SPATC1: variants seen among roughly 807,000 people sequenced by gnomAD.
SPATC1 encodes the protein speriolin.
Under a neutral mutation model 36.5 loss-of-function variants are expected in SPATC1, and 35 were observed. The ratio of observed to expected loss-of-function variants is 0.96; its 90% CI spans 0.73 to 1.27. The LOEUF is 1.27. Among genes scored for constraint, SPATC1 ranks in the 50% most tolerant of loss-of-function variants. The pLI is 0.00. For synonymous variants in SPATC1, 361 were observed against 353.6 expected, an observed-to-expected ratio of 1.02 and a Z score of -0.24; for missense variants, 779 against 796.0, an observed-to-expected ratio of 0.98 and a Z score of 0.26.
At chr8:144,018,915 G>A (rs1366776083) in intron 1 of SPATC1, among the ~76,000 whole-genome samples, 14 of 148,538 alleles carry the variant, frequency 9.4e-5, no homozygotes, top group African/African-American at 3.2e-4. Flanking sequence ...GGTGGCGGGC[G>A]CCTGTGGTCC....
intron 1 of SPATC1, among the ~76,000 whole-genome samples, chr8:144,035,637 G>A (rs1834883602): frequency 1.3e-5 from 2 of 152,198 alleles, no homozygotes; most frequent in African/African-American, 2.4e-5. Context: ...CTCTGGGGAC[G>A]AGACCATGGC....
chr8:144,037,228 G>A (rs1361147501), intron 1 of SPATC1, among the ~76,000 whole-genome samples: 4 of 147,640 alleles, frequency 2.7e-5, no homozygotes, highest in Non-Finnish European at 4.5e-5. Context: ...CGGCCGCCCC[G>A]CCCGGGAGGT....
intron 1 of SPATC1, among the ~76,000 whole-genome samples, chr8:144,027,909 C>A (rs1834717860): frequency 6.6e-6 from 1 of 152,044 alleles, no homozygotes; most frequent in Non-Finnish European, 1.5e-5. Context: ...AGGAGAATCA[C>A]TTGAACCTGG....
At chr8:144,028,068 ATACT>A (rs1834721950) in intron 1 of SPATC1, among the ~76,000 whole-genome samples, 1 of 152,206 alleles carries the variant, frequency 6.6e-6, no homozygotes, top group Admixed American at 6.5e-5. Context: ...GATGGATTAA[ATACT>A]TAAATGTAAA....
At position 144,047,096 on chromosome 8, in the gene SPATC1, C is replaced by T. The variant is rs1835290795; in HGVS notation, c.*140C>T. 3.0e-6 allele frequency: 3 copies of T among 1,007,312 alleles called. No individual in the cohort carries two copies. In the South Asian group the frequency reaches 5.0e-5, roughly 17 times the overall value. 62.4% of individuals were successfully genotyped at this position (1,007,312 alleles called of 1,614,324 possible). A position where few individuals can be genotyped will look rare whatever the true frequency, so the allele number is the denominator to read the frequency against. ...CTCCTCTGGGGTGGCTCACCGGGCC[C>T]CGGCACCGTGCCCCTTCAGCCCTGT... On this transcript the variant is annotated 3_prime_UTR_variant, in exon 5 of 5. Transcript: ENST00000377470. This position sits in a 1 kb window ranked among gnomAD's most constrained non-coding sequence, Gnocchi z 4.1.
intron 1 of SPATC1, among the ~76,000 whole-genome samples, chr8:144,013,166 C>T (rs1347416210): frequency 6.6e-6 from 1 of 152,176 alleles, no homozygotes; most frequent in Non-Finnish European, 1.5e-5. Context: ...CTAGGTGCTG[C>T]ATCCTTCTCC....
Position 144,040,873 on chromosome 8 carries a change from G to C in SPATC1, c.1072G>C (p.Ala358Pro). Residue 358 changes from alanine to proline, a missense_variant, in exon 3 of 5, where the codon GCC becomes CCC. Physicochemically the swap from Ala to Pro is conservative, Grantham distance 27. Transcript: ENST00000377470. Reference sequence around the variant, plus strand: ...CACACCCTCAAGCACCACCCACATCGCCCAGGGTGCCCCCCATCCCCCTTC... The same window carrying C: ...CACACCCTCAAGCACCACCCACATCCCCCAGGGTGCCCCCCATCCCCCTTC... Reference protein sequence around the residue: ...SYTPSSTTHIAQGAPHPPSRM... With the variant: ...SYTPSSTTHIPQGAPHPPSRM... The C allele has an allele frequency of 1.3e-6, 2 of 1,546,668 alleles. No individual in the cohort carries two copies. Among genetic ancestry groups the C allele is most frequent in the Non-Finnish European group, 1.7e-6 (2 of 1,145,512 alleles).
At chr8:144,028,879 G>A (rs1409633644) in intron 1 of SPATC1, among the ~76,000 whole-genome samples, 1 of 151,984 alleles carries the variant, frequency 6.6e-6, no homozygotes, top group Non-Finnish European at 1.5e-5. Context: ...CCATAAAAAG[G>A]GATAAGATCA....
intron 1 of SPATC1, among the ~76,000 whole-genome samples, chr8:144,030,769 CT>C (rs1218942914): frequency 4.0e-5 from 6 of 151,618 alleles, no homozygotes; most frequent in African/African-American, 1.2e-4. Flanking sequence ...CCTTCTCCTA[CT>C]TTTTTTTTCC....
At chr8:144,023,159 C>T (rs1245410763) in intron 1 of SPATC1, among the ~76,000 whole-genome samples, 3 of 128,514 alleles carry the variant, frequency 2.3e-5, no homozygotes, top group South Asian at 2.7e-4. Context: ...CCCTCAGGAC[C>T]CCTTTCTCTC....
intron 1 of SPATC1, among the ~76,000 whole-genome samples, chr8:144,026,441 G>A (rs2133118658): frequency 6.6e-6 from 1 of 152,230 alleles, no homozygotes; most frequent in African/African-American, 2.4e-5. Flanking sequence ...GTGCAGACAT[G>A]TTTCCATCTC....
intron 1 of SPATC1, among the ~76,000 whole-genome samples, chr8:144,029,749 A>G (rs1834757762): frequency 6.6e-6 from 1 of 152,154 alleles, no homozygotes; most frequent in Non-Finnish European, 1.5e-5. Context: ...AGAATGTTTC[A>G]TGTTCCCTTG....
At position 144,016,987 on chromosome 8, in the gene SPATC1, C is replaced by T. The variant is rs782619928; in HGVS notation, c.211+4261C>T. ...AATAATCATGTTTGTGCTTCAGAAA[C>T]GTTACCCCAGATGCTATGGGGGAAA... On this transcript the variant is annotated intron_variant, in intron 1 of 4. Transcript: ENST00000377470. The surrounding 1 kb of genome is among the most constrained non-coding windows in gnomAD (Gnocchi z 4.5). 8.5e-5 allele frequency among the ~76,000 whole-genome samples: 13 copies of T among 152,118 alleles called. No individual in the cohort carries two copies. Among genetic ancestry groups the T allele is most frequent in the Admixed American group, 2.0e-4 (3 of 15,272 alleles).
Position 144,046,577 on chromosome 8 carries a change from T to C in SPATC1, c.1447-50T>C, listed in dbSNP as rs1835267497. ...CCTCGGTCTTCCCCTTACCTGCCTG[T>C]GTGTGGAGGTGTGGCAAGGGAGGGT... On this transcript the variant is annotated intron_variant, in intron 4 of 4. Transcript: ENST00000377470. This position sits in a 1 kb window ranked among gnomAD's most constrained non-coding sequence, Gnocchi z 6.6. The C allele has an allele frequency of 6.5e-7, 1 of 1,529,944 alleles. No homozygotes were observed. 94.8% of individuals were successfully genotyped at this position (1,529,944 alleles called of 1,614,324 possible). A position where few individuals can be genotyped will look rare whatever the true frequency, so the allele number is the denominator to read the frequency against.
intron 1 of SPATC1, among the ~76,000 whole-genome samples, chr8:144,020,680 C>T (rs1834500227): frequency 6.6e-6 from 1 of 151,216 alleles, no homozygotes; most frequent in African/African-American, 2.4e-5. Context: ...ACCCTCTCCC[C>T]TCGCACCCCT....
Position 144,040,444 on chromosome 8 carries a change from A to G in SPATC1, c.747A>G (p.Val249=). ...GGCCCCAGTCCCCAGCTTGCGTGGT[A>G]CCCACTGCCACCACCAAAGGTAACA... ...PTGPQSPACV[V]PTATTKVPLS... is the part of the protein sequence containing the mutation. The change falls in exon 2 of 5, where the codon GTA becomes GTG. Residue 249 remains valine (V), a synonymous_variant. Coordinates refer to ENST00000377470, the MANE Select transcript of SPATC1 (RefSeq NM_198572.3). The G allele has an allele frequency of 6.3e-7, 1 of 1,599,938 alleles. No individual in the cohort carries two copies. The highest frequency in any genetic ancestry group is 8.5e-7 in the Non-Finnish European group (1 of 1,173,550).
intron 1 of SPATC1, among the ~76,000 whole-genome samples, chr8:144,030,526 T>C: frequency 6.6e-6 from 1 of 152,252 alleles, no homozygotes; most frequent in Middle Eastern, 3.4e-3. Flanking sequence ...GCCTGGCTAA[T>C]ATTTCTATTT....
In SPATC1 at chr8:144,012,551, T is replaced by A. The variant is rs1554752599; in HGVS notation, c.36T>A (p.His12Gln). 19 of 1,551,730 alleles carry A rather than the reference T, an allele frequency of 1.2e-5. No individual in the cohort carries two copies. The highest frequency in any genetic ancestry group is 1.7e-5 in the Non-Finnish European group (19 of 1,147,002). ...TCACCAATTATGAAGGGCTTCGGCA[T>A]CAGATAGAGAGGCTGGTGCGGGAAA... ...SLLTNYEGLRHQIERLVRENE... is the reference protein window; with the variant it reads ...SLLTNYEGLRQQIERLVRENE... The change falls in exon 1 of 5, where the codon CAT becomes CAA. Residue 12 changes from histidine to glutamine, a missense_variant. Physicochemically the swap from His to Gln is conservative, Grantham distance 24 (BLOSUM62 0). Transcript: ENST00000377470.
rs530329847 is a variant in SPATC1, at chr8:144,045,696, G to A, written c.1447-931G>A. Among the ~76,000 whole-genome samples the A allele has an allele frequency of 6.0e-4, 92 of 152,332 alleles. No individual in the cohort carries two copies. Among genetic ancestry groups the A allele is most frequent in the African/African-American group, 2.1e-3 (87 of 41,566 alleles). On this transcript the variant is annotated intron_variant, in intron 4 of 4. Coordinates refer to ENST00000377470, the MANE Select transcript of SPATC1 (RefSeq NM_198572.3). This position sits in a 1 kb window ranked among gnomAD's most constrained non-coding sequence, Gnocchi z 5.2. ...TGTGGGCCTGTGCAGAGAGCGGGCA[G>A]GGCCAAGCCTGGAGGCAGGGGCAGC...
Sources: gnomAD v4.1 joint callset for allele counts (sites outside exome capture counted in the v4.1 genomes callset) on GRCh38, gnomAD v4.1.1 for gene constraint, Gnocchi (gnomAD v3.1) non-coding constraint, MANE v1.5 for transcripts, NCBI Gene and HGNC (gene_info 2026-07-23, HGNC 2026-07-21) for gene names.